Variants in USP12 observed in about 807,000 individuals in gnomAD.
USP12 encodes the protein ubiquitin specific peptidase 12.
USP12 carries 19 observed loss-of-function variants against 45.5 expected under a neutral mutation model. The ratio of observed to expected loss-of-function variants is 0.42; its 90% CI spans 0.29 to 0.61. USP12 has a LOEUF of 0.61. USP12 is among the 20% of genes least tolerant of loss of function. The pLI is 0.22. For synonymous variants in USP12, 149 were observed against 148.8 expected, an observed-to-expected ratio of 1.00 and a Z score of -0.01; for missense variants, 242 against 447.7, an observed-to-expected ratio of 0.54 and a Z score of 4.15.
intron 6 of USP12, among the ~76,000 whole-genome samples, chr13:27,078,991 G>A (rs1873622501): frequency 6.9e-6 from 1 of 144,646 alleles, no homozygotes; most frequent in African/African-American, 2.5e-5. Flanking sequence ...TATGTCCTCT[G>A]ATAAAAAAAA....
chr13:27,138,102 A>C lies in USP12; in HGVS notation c.49-21506T>G, dbSNP rs1231123489. Among the ~76,000 whole-genome samples the C allele has an allele frequency of 2.0e-5, 3 of 152,266 alleles. No individual in the cohort carries two copies. In the East Asian group the frequency reaches 5.8e-4, roughly 29 times the overall value. On this transcript the variant is annotated intron_variant, in intron 1 of 8. Coordinates refer to ENST00000282344, the MANE Select transcript of USP12 (RefSeq NM_182488.4). ...GAGCCCTGGCCAGCACACTGAGTAC[A>C]GCCTTGCAGAGGGCACGGCTTACCT... is the stretch of plus-strand genomic sequence containing the variant.
At position 27,095,730 on chromosome 13, in the gene USP12, T is replaced by C. The variant is rs1874548968; in HGVS notation, c.444A>G (p.Lys148=). 1 of 1,613,236 alleles carries C rather than the reference T, an allele frequency of 6.2e-7. No individual in the cohort carries two copies. Among genetic ancestry groups the C allele is most frequent in the African/African-American group, 1.3e-5 (1 of 75,038 alleles). ...DILQEERKQE[K]QNGRLPNGNI... ...TACCATTAGGTAAACGACCATTTTG[T>C]TTTTCCTGCTTTCTCTCTTCTTGTA... Residue 148 remains lysine, a synonymous_variant, in exon 4 of 9, where the codon AAA becomes AAG. Transcript: ENST00000282344.
chr13:27,108,389 G>C (rs976306654), intron 2 of USP12, among the ~76,000 whole-genome samples: 6 of 151,226 alleles, frequency 4.0e-5, no homozygotes, highest in Admixed American at 1.3e-4. Flanking sequence ...GTTGTGGGGT[G>C]GGGGGAGAGG....
rs748246216 is a variant in USP12 at position 27,090,056 on chromosome 13, T to G, written c.650+26A>C. ...TCCAGACTAAAAATAATTATTAAAT[T>G]TCAAACTAAATAATTCTACATATAC... On this transcript the variant is annotated intron_variant, in intron 5 of 8. Coordinates refer to ENST00000282344, the MANE Select transcript of USP12 (RefSeq NM_182488.4). 9.9e-5 allele frequency: 156 copies of G among 1,577,452 alleles called. No individual in the cohort carries two copies. The Middle Eastern group carries it at 1.0e-3, about 10-fold the overall frequency.
intron 1 of USP12, among the ~76,000 whole-genome samples, chr13:27,145,392 A>G (rs1170045084): frequency 6.6e-6 from 1 of 152,208 alleles, no homozygotes; most frequent in African/African-American, 2.4e-5. Flanking sequence ...TGGAACACGA[A>G]TAACAAGCTC....
intron 1 of USP12, among the ~76,000 whole-genome samples, chr13:27,128,692 T>C (rs2137808604): frequency 6.6e-6 from 1 of 152,300 alleles, no homozygotes; most frequent in African/African-American, 2.4e-5. Context: ...ATGTTTCAGC[T>C]CTATAAAAAG....
chr13:27,076,550 C>G (rs754650693), intron 6 of USP12, among the ~76,000 whole-genome samples: 14 of 152,168 alleles, frequency 9.2e-5, no homozygotes, highest in Non-Finnish European at 8.8e-5. Flanking sequence ...GATTATGGTT[C>G]TTTTCTTCTA....
chr13:27,094,892 A>C (rs1333639887), intron 4 of USP12, among the ~76,000 whole-genome samples: 2 of 152,202 alleles, frequency 1.3e-5, no homozygotes, highest in Non-Finnish European at 2.9e-5. Context: ...TCACACCTGT[A>C]ATCCCAGAAC....
intron 3 of USP12, among the ~76,000 whole-genome samples, chr13:27,101,988 A>G (rs377484968): frequency 1.6e-4 from 24 of 150,376 alleles, no homozygotes; most frequent in African/African-American, 5.4e-4. Flanking sequence ...CCTGCCACAT[A>G]ATGAGATGTA....
At chr13:27,156,139 A>C (rs879686051) in intron 1 of USP12, among the ~76,000 whole-genome samples, 15 of 152,192 alleles carry the variant, frequency 9.9e-5, no homozygotes, top group Admixed American at 9.8e-4. Flanking sequence ...CATTATAAAG[A>C]GACACGACAT....
intron 8 of USP12, among the ~76,000 whole-genome samples, chr13:27,069,764 G>A (rs187403821): frequency 3.9e-5 from 6 of 152,240 alleles, no homozygotes; most frequent in East Asian, 3.9e-4. Context: ...CCTGACCAAC[G>A]TGGAGAAACC....
chr13:27,108,828 C>T (rs539751438), intron 2 of USP12, among the ~76,000 whole-genome samples: 2 of 152,148 alleles, frequency 1.3e-5, no homozygotes, highest in South Asian at 2.1e-4. Flanking sequence ...TGTGGTGGCA[C>T]GCACCTATAA....
At chr13:27,082,804 T>TG (rs1873824850) in intron 6 of USP12, among the ~76,000 whole-genome samples, 1 of 152,120 alleles carries the variant, frequency 6.6e-6, no homozygotes, top group Non-Finnish European at 1.5e-5. Flanking sequence ...GTCAGGTGGG[T>TG]GGAGCAGTCA....
At chr13:27,073,349 G>A (rs1873332773) in intron 7 of USP12, among the ~76,000 whole-genome samples, 1 of 152,214 alleles carries the variant, frequency 6.6e-6, no homozygotes, top group Admixed American at 6.5e-5. Flanking sequence ...TCTGACAGTA[G>A]GGATTCAGAC....
At chr13:27,163,456 G>C (rs1878205182) in intron 1 of USP12, among the ~76,000 whole-genome samples, 1 of 152,092 alleles carries the variant, frequency 6.6e-6, no homozygotes, top group South Asian at 2.1e-4. Flanking sequence ...GCTTTTTCCT[G>C]AAGCCCTCTT....
At chr13:27,119,264 C>A (rs182071298) in intron 1 of USP12, among the ~76,000 whole-genome samples, 2 of 152,138 alleles carry the variant, frequency 1.3e-5, no homozygotes, top group Non-Finnish European at 2.9e-5. Context: ...AAAATAGATA[C>A]TCTCCTTAGT....
At chr13:27,082,464 C>G (rs1031651073) in intron 6 of USP12, among the ~76,000 whole-genome samples, 3 of 152,196 alleles carry the variant, frequency 2.0e-5, no homozygotes, top group African/African-American at 7.2e-5. Context: ...ACTCAAACTT[C>G]TCCATTTGGC....
chr13:27,099,850 TC>T (rs1874784621), intron 3 of USP12, among the ~76,000 whole-genome samples: 1 of 152,112 alleles, frequency 6.6e-6, no homozygotes, highest in Admixed American at 6.6e-5. Flanking sequence ...TTTAGCAAAA[TC>T]CCCATGTTAT....
At chr13:27,098,733 C>T (rs1231983703) in intron 3 of USP12, among the ~76,000 whole-genome samples, 1 of 152,118 alleles carries the variant, frequency 6.6e-6, no homozygotes, top group Non-Finnish European at 1.5e-5. Context: ...AGCATAAATA[C>T]GGCTGCTTAT....
Sources: gnomAD v4.1 joint callset for allele counts (sites outside exome capture counted in the v4.1 genomes callset) on GRCh38, gnomAD v4.1.1 for gene constraint, MANE v1.5 for transcripts, NCBI Gene and HGNC (gene_info 2026-07-23, HGNC 2026-07-21) for gene names.